The following SLCO1B1 variants were observed in gnomAD, a reference collection of about 807,000 sequenced individuals.
SLCO1B1 encodes OATP-2.
In SLCO1B1, 81 loss-of-function variants were observed where a neutral mutation model predicts 70.1. The observed-to-expected ratio is 1.16, with a 90% CI of 0.97 to 1.39. The LOEUF (loss-of-function observed/expected upper bound fraction) is 1.39. SLCO1B1 is among the 40% of genes most tolerant of loss of function. The pLI is 0.00. For synonymous variants in SLCO1B1, 283 were observed against 271.5 expected, an observed-to-expected ratio of 1.04 and a Z score of -0.42; for missense variants, 895 against 799.6, an observed-to-expected ratio of 1.12 and a Z score of -1.44.
intron 14 of SLCO1B1, among the ~76,000 whole-genome samples, chr12:21,232,102 A>G (rs1212327927): frequency 6.6e-6 from 1 of 152,222 alleles, no homozygotes; most frequent in Non-Finnish European, 1.5e-5. Context: ...GAAGTTGGTC[A>G]TGGAGGAGCA....
intron 2 of SLCO1B1, among the ~76,000 whole-genome samples, chr12:21,166,607 G>A (rs1426296044): frequency 1.3e-5 from 2 of 152,080 alleles, no homozygotes; most frequent in Non-Finnish European, 1.5e-5. Context: ...CTTGTTAAAA[G>A]GACTAAAATT....
At chr12:21,209,212 T>C (rs1413009949) in intron 11 of SLCO1B1, among the ~76,000 whole-genome samples, 57 of 141,058 alleles carry the variant, frequency 4.0e-4, no homozygotes, top group Admixed American at 6.3e-4. Context: ...TCCCCCCTCC[T>C]CCCACCCCAC....
At chr12:21,211,374 T>A (rs531042766) in intron 11 of SLCO1B1, among the ~76,000 whole-genome samples, 1 of 152,200 alleles carries the variant, frequency 6.6e-6, no homozygotes, top group African/African-American at 2.4e-5. Context: ...TATTGATTTG[T>A]GTATATTGAA....
At chr12:21,235,148 C>G (rs1286125562) in intron 14 of SLCO1B1, among the ~76,000 whole-genome samples, 2 of 145,384 alleles carry the variant, frequency 1.4e-5, no homozygotes, top group Non-Finnish European at 3.0e-5. Context: ...AGTCTGGTGT[C>G]GAAGCTTATT....
At position 21,215,008 on chromosome 12, in the gene SLCO1B1, A is replaced by G. The variant is rs376156431; in HGVS notation, c.1498-2111A>G. ...AACCCGGTACCTCAGATGGAAATGCAGAAATCACCCGTCTTCTGCGTCGCT... is the reference window on the plus strand; with the variant it reads ...AACCCGGTACCTCAGATGGAAATGCGGAAATCACCCGTCTTCTGCGTCGCT... On this transcript the variant is annotated intron_variant, in intron 11 of 14. Coordinates refer to ENST00000256958, the MANE Select transcript of SLCO1B1 (RefSeq NM_006446.5). 9.8e-5 allele frequency among the ~76,000 whole-genome samples: 15 copies of G among 152,308 alleles called. No individual in the cohort carries two copies. In the East Asian group the frequency reaches 2.1e-3, roughly 22 times the overall value.
chr12:21,236,206 C>G (rs529928010), intron 14 of SLCO1B1, among the ~76,000 whole-genome samples: 31 of 152,126 alleles, frequency 2.0e-4, no homozygotes, highest in African/African-American at 7.0e-4. Flanking sequence ...CCCATGTTCT[C>G]TTTGTCCCAG....
intron 2 of SLCO1B1, among the ~76,000 whole-genome samples, chr12:21,170,593 T>C (rs61926206): frequency 0.36 from 54,801 of 152,094 alleles, 11,940 homozygotes; most frequent in South Asian, 0.49. Flanking sequence ...TTGAAGAAAA[T>C]CTTCATAATT....
chr12:21,151,540 C>T (rs1045927134), intron 2 of SLCO1B1, among the ~76,000 whole-genome samples: 5 of 151,988 alleles, frequency 3.3e-5, no homozygotes, highest in African/African-American at 1.2e-4. Flanking sequence ...ACAGTTATGT[C>T]TTAGATTAAG....
intron 7 of SLCO1B1, among the ~76,000 whole-genome samples, chr12:21,183,017 TG>T (rs1035996414): frequency 4.4e-4 from 67 of 152,220 alleles, no homozygotes; most frequent in Non-Finnish European, 6.8e-4. Context: ...AGCGGGAGAT[TG>T]GGGGGGTGTC....
chr12:21,147,294 T>A (rs1293134674), intron 2 of SLCO1B1, among the ~76,000 whole-genome samples: 6 of 152,196 alleles, frequency 3.9e-5, no homozygotes, highest in African/African-American at 1.4e-4. Flanking sequence ...TTTACTTTTT[T>A]AAAAAATTAC....
chr12:21,138,549 G>A (rs1940261111), intron 1 of SLCO1B1, among the ~76,000 whole-genome samples: 1 of 152,160 alleles, frequency 6.6e-6, no homozygotes, highest in Admixed American at 6.5e-5. Context: ...ACATTTTGGT[G>A]AAATGAGGAA....
At chr12:21,142,913 GGACATT>G (rs1426757321) in intron 2 of SLCO1B1, among the ~76,000 whole-genome samples, 4 of 152,024 alleles carry the variant, frequency 2.6e-5, no homozygotes, top group Non-Finnish European at 5.9e-5. Flanking sequence ...TGTGTGGAAA[GGACATT>G]AACTGCAGCC....
rs1940796218 is a variant in SLCO1B1 at position 21,174,594 on chromosome 12, G to A, written c.244G>A (p.Val82Ile). The A allele has an allele frequency of 6.2e-7, 1 of 1,613,150 alleles. No homozygotes were observed. Among genetic ancestry groups the A allele is most frequent in the Non-Finnish European group, 8.5e-7 (1 of 1,179,560 alleles). The change falls in exon 4 of 15, where the codon GTA (valine) becomes ATA (isoleucine). Residue 82 changes from valine to isoleucine, a missense_variant. By Grantham distance (29) the Val-to-Ile change is conservative (BLOSUM62 3). Transcript: ENST00000256958. ...CTTTCTAGGAAATTTGCTTGTGATT[G>A]TATTTGTGAGTTACTTTGGATCCAA... ...SFEIGNLLVIVFVSYFGSKLH... is the reference protein window; with the variant it reads ...SFEIGNLLVIIFVSYFGSKLH...
In SLCO1B1 at chr12:21,213,522, T is replaced by A. The variant is rs1176906905; in HGVS notation, c.1498-3597T>A. Among the ~76,000 whole-genome samples the A allele has an allele frequency of 2.1e-5, 3 of 143,896 alleles. No individual in the cohort carries two copies. In the Admixed American group the frequency reaches 2.1e-4, roughly 10 times the overall value. 94.4% of individuals were successfully genotyped at this position (143,896 alleles called of 152,430 possible). A position where few individuals can be genotyped will look rare whatever the true frequency, so the allele number is the denominator to read the frequency against. ...ATTTTTTCCTTCATTTCAACTTTGG[T>A]GAATCTGACAATTATGTGTCTTGGA... On this transcript the variant is annotated intron_variant, in intron 11 of 14. Transcript: ENST00000256958.
Position 21,172,574 on chromosome 12 carries a change from A to G in SLCO1B1, c.85-76A>G, listed in dbSNP as rs1940768583. ...TTTTTAAGTAAAGAAGAAAGCTATT[A>G]TAATTCCATGTGCCTATTGACATTA... On this transcript the variant is annotated intron_variant, in intron 2 of 14. Transcript: ENST00000256958. 14 of 1,461,252 alleles carry G rather than the reference A, an allele frequency of 9.6e-6. No homozygotes were observed. In the South Asian group the frequency reaches 1.6e-4, roughly 17 times the overall value. 90.5% of individuals were successfully genotyped at this position (1,461,252 alleles called of 1,614,324 possible).
chr12:21,206,010 T>TA lies in SLCO1B1; in HGVS notation c.1474_1475insA (p.Ser492TyrfsTer5). 1 of 1,612,000 alleles carries TA rather than the reference T, an allele frequency of 6.2e-7. No homozygotes were observed. Among genetic ancestry groups the TA allele is most frequent in the Non-Finnish European group, 8.5e-7 (1 of 1,178,490 alleles). On this transcript the variant is annotated frameshift_variant, in exon 11 of 15. Transcript: ENST00000256958. LOFTEE classifies it high-confidence loss of function. ...ACCCTGTCTAGCAGGTTGCAAATCTTCAAGTGGCAATAAAAAGCCTATAGT... is the reference window on the plus strand; with the variant it reads ...ACCCTGTCTAGCAGGTTGCAAATCTTACAAGTGGCAATAAAAAGCCTATAGT...
chr12:21,217,909 C>G (rs1165650332), intron 12 of SLCO1B1, among the ~76,000 whole-genome samples: 1 of 152,042 alleles, frequency 6.6e-6, no homozygotes, highest in African/African-American at 2.4e-5. Flanking sequence ...TTCAAAATTA[C>G]AGGAAAGACT....
intron 2 of SLCO1B1, among the ~76,000 whole-genome samples, chr12:21,162,948 G>A (rs1021892010): frequency 2.6e-5 from 4 of 152,126 alleles, no homozygotes; most frequent in Non-Finnish European, 5.9e-5. Flanking sequence ...AGTTATTTTT[G>A]TGGGATATCT....
chr12:21,139,193 T>TA (rs1565663246), intron 1 of SLCO1B1, among the ~76,000 whole-genome samples: 12 of 151,984 alleles, frequency 7.9e-5, no homozygotes, highest in East Asian at 7.7e-4. Context: ...TATAATTTTT[T>TA]TAAAAAAAGA....
Sources: gnomAD v4.1 joint callset for allele counts (sites outside exome capture counted in the v4.1 genomes callset) on GRCh38, gnomAD v4.1.1 for gene constraint, MANE v1.5 for transcripts, NCBI Gene and HGNC (gene_info 2026-07-23, HGNC 2026-07-21) for gene names.